SLC41A2: variants seen among roughly 807,000 people sequenced by gnomAD.
The protein encoded by SLC41A2 is SLC41A1-like 1.
Under a neutral mutation model 58.3 loss-of-function variants are expected in SLC41A2, and 32 were observed. That is an observed-to-expected ratio of 0.55 (90% CI 0.41 to 0.74). SLC41A2 has a LOEUF of 0.74. Among genes scored for constraint, SLC41A2 ranks in the 30% least tolerant of loss-of-function variants. The pLI is 0.00. For missense variants in SLC41A2, 514 were observed against 680.6 expected, an observed-to-expected ratio of 0.76 and a Z score of 2.72; for synonymous variants, 190 against 235.0, an observed-to-expected ratio of 0.81 and a Z score of 1.75.
At chr12:104,826,361 G>A (rs2041844509) in intron 10 of SLC41A2, among the ~76,000 whole-genome samples, 1 of 152,196 alleles carries the variant, frequency 6.6e-6, no homozygotes. Flanking sequence ...GATGGTCTGA[G>A]GTCCCATACG....
chr12:104,942,640 C>T (rs1448258244), intron 1 of SLC41A2, among the ~76,000 whole-genome samples: 1 of 152,048 alleles, frequency 6.6e-6, no homozygotes, highest in Non-Finnish European at 1.5e-5. Flanking sequence ...AGTATTTTTG[C>T]TTTTCTTCAA....
chr12:104,837,443 C>T (rs1200954806), intron 10 of SLC41A2, among the ~76,000 whole-genome samples: 5 of 152,094 alleles, frequency 3.3e-5, no homozygotes, highest in African/African-American at 9.7e-5. Context: ...TCTTGCTCAA[C>T]ACCTCCCTGG....
chr12:104,905,249 C>T (rs1177936124), intron 3 of SLC41A2, among the ~76,000 whole-genome samples: 1 of 151,594 alleles, frequency 6.6e-6, no homozygotes, highest in African/African-American at 2.4e-5. Context: ...ATACAGAATG[C>T]CAATTGGTGT....
chr12:104,848,080 C>T (rs938920745), intron 8 of SLC41A2, among the ~76,000 whole-genome samples: 1 of 152,076 alleles, frequency 6.6e-6, no homozygotes, highest in Non-Finnish European at 1.5e-5. Flanking sequence ...TGAAGATAGA[C>T]CATATTACAG....
chr12:104,943,726 C>G (rs760758366), intron 1 of SLC41A2, among the ~76,000 whole-genome samples: 4 of 152,164 alleles, frequency 2.6e-5, no homozygotes, highest in Non-Finnish European at 5.9e-5. Context: ...GACTGAGAGA[C>G]AGGACTAGCT....
rs35791974 is a variant in SLC41A2, at chr12:104,863,955, C to CT, written c.1175+2476dup. On this transcript the variant is annotated intron_variant, in intron 7 of 10. Coordinates refer to ENST00000258538, the MANE Select transcript of SLC41A2 (RefSeq NM_001352171.3). ...AATACAGTCAAACTCATCAATTCCA[C>CT]TTTTTTTTTTTTTTTCTTAGAGACC... 5.8e-3 allele frequency among the ~76,000 whole-genome samples: 837 copies of CT among 143,968 alleles called. 2 individuals are homozygous for CT. The highest frequency in any genetic ancestry group is 0.011 in the Middle Eastern group (3 of 280). 94.4% of individuals were successfully genotyped at this position (143,968 alleles called of 152,430 possible). A position where few individuals can be genotyped will look rare whatever the true frequency, so the allele number is the denominator to read the frequency against.
At chr12:104,951,643 A>C (rs1312686472) in intron 1 of SLC41A2, 1 of 151,998 alleles carries the variant, frequency 6.6e-6, no homozygotes, top group African/African-American at 2.4e-5. Flanking sequence ...GACATCATTA[A>C]ATTCTTATTT....
At chr12:104,831,671 T>C (rs1482925461) in intron 10 of SLC41A2, among the ~76,000 whole-genome samples, 1 of 152,210 alleles carries the variant, frequency 6.6e-6, no homozygotes, top group Non-Finnish European at 1.5e-5. Flanking sequence ...TCTCTCCAAC[T>C]GATATGTTAC....
Position 104,844,783 on chromosome 12 carries a change from A to G in SLC41A2, c.1388-163T>C, listed in dbSNP as rs368983571. Among the ~76,000 whole-genome samples the G allele has an allele frequency of 1.0e-3, 158 of 152,320 alleles. 1 individual carries two copies. Among genetic ancestry groups the G allele is most frequent in the Non-Finnish European group, 1.7e-3 (119 of 68,016 alleles). On this transcript the variant is annotated intron_variant, in intron 9 of 10. Coordinates refer to ENST00000258538, the MANE Select transcript of SLC41A2 (RefSeq NM_001352171.3). The stretch of plus-strand genomic sequence containing the variant: ...ATTTCAAGTAGTTACAATTCATTTC[A>G]TTCTCTGAAATTTCCACTATATATG...
Position 104,876,607 on chromosome 12 carries a change from G to T in SLC41A2, c.1027+9686C>A, listed in dbSNP as rs576155062. On this transcript the variant is annotated intron_variant, in intron 6 of 10. Transcript: ENST00000258538. ...TATTGATTCCTAGTTTCATACCACT[G>T]TGATCATCAAAGATACTTGATATGA... 1.2e-3 allele frequency among the ~76,000 whole-genome samples: 186 copies of T among 151,992 alleles called. 2 individuals carry two copies. The highest frequency in any genetic ancestry group is 4.1e-3 in the African/African-American group (171 of 41,454).
intron 3 of SLC41A2, among the ~76,000 whole-genome samples, chr12:104,903,291 T>C (rs554720818): frequency 1.3e-5 from 2 of 152,222 alleles, no homozygotes; most frequent in Non-Finnish European, 2.9e-5. Flanking sequence ...CAGATCACAT[T>C]AACTCCTCTG....
intron 5 of SLC41A2, 79 bp downstream of exon 5, chr12:104,888,954 T>G: frequency 1.5e-6 from 2 of 1,372,114 alleles, no homozygotes; most frequent in Non-Finnish European, 1.9e-6. Flanking sequence ...AGGTATCATT[T>G]AAATAAAAAT....
Position 104,888,883 on chromosome 12 carries a change from T to C in SLC41A2, c.880+150A>G, listed in dbSNP as rs368110659. 2.9e-5 allele frequency: 23 copies of C among 800,276 alleles called. No homozygotes were observed. The East Asian group carries it at 4.9e-4, about 17-fold the overall frequency. 49.6% of individuals were successfully genotyped at this position (800,276 alleles called of 1,614,324 possible). A position where few individuals can be genotyped will look rare whatever the true frequency, so the allele number is the denominator to read the frequency against. ...TTATAAATAATGAAATGTAAATATA[T>C]CTGGAATAACTAAGGCATTTTTTAA... is the stretch of plus-strand genomic sequence containing the variant. On this transcript the variant is annotated intron_variant, in intron 5 of 10. Coordinates refer to ENST00000258538, the MANE Select transcript of SLC41A2 (RefSeq NM_001352171.3).
At chr12:104,881,022 C>T (rs532257015) in intron 6 of SLC41A2, among the ~76,000 whole-genome samples, 1 of 152,278 alleles carries the variant, frequency 6.6e-6, no homozygotes, top group East Asian at 1.9e-4. Context: ...AGGGATTCAA[C>T]TTCTTCCTGG....
rs548217988 is a variant in SLC41A2, at chr12:104,867,853, G to C, written c.1028-1274C>G. ...TCTTTGACTGAATTTTCTTTCTTTT[G>C]CTTCTTAAGATATTTAAAGATCTTC... On this transcript the variant is annotated intron_variant, in intron 6 of 10. Transcript: ENST00000258538. 2.0e-5 allele frequency among the ~76,000 whole-genome samples: 3 copies of C among 151,082 alleles called. No homozygotes were observed. In the South Asian group the frequency reaches 6.2e-4, roughly 31 times the overall value.
chr12:104,805,203 A>G lies in SLC41A2; in HGVS notation c.1671T>C (p.Ser557=). 6.2e-7 allele frequency: 1 copy of G among 1,613,580 alleles called. No homozygotes were observed. The highest frequency in any genetic ancestry group is 8.5e-7 in the Non-Finnish European group (1 of 1,179,680). The part of the protein sequence containing the change: ...DLLGTALLAL[S]FHFLWLIGDR... Reference sequence around the variant, plus strand: ...CTCCAATAAGCCAAAGAAAATGAAAACTTAAGGCTAACAGAGCTGTCCCGA... The same window carrying G: ...CTCCAATAAGCCAAAGAAAATGAAAGCTTAAGGCTAACAGAGCTGTCCCGA... The change falls in exon 11 of 11, where the codon AGT becomes AGC. Residue 557 remains serine (S), a synonymous_variant. Coordinates refer to ENST00000258538, the MANE Select transcript of SLC41A2 (RefSeq NM_001352171.3).
At position 104,886,373 on chromosome 12, in the gene SLC41A2, G is replaced by A. The variant is rs1427267712; in HGVS notation, c.947C>T (p.Thr316Ile). 5 of 1,613,596 alleles carry A rather than the reference G, an allele frequency of 3.1e-6. No homozygotes were observed. Among genetic ancestry groups the A allele is most frequent in the Non-Finnish European group, 3.4e-6 (4 of 1,179,604 alleles). Residue 316 changes from threonine to isoleucine, a missense_variant, in exon 6 of 11, where the codon ACA becomes ATA. This residue lies in a region of SLC41A2 where 336 missense variants were observed against 430.0 expected (regional missense o/e 0.78). Coordinates refer to ENST00000258538, the MANE Select transcript of SLC41A2 (RefSeq NM_001352171.3). ...KTGINPDNVA[T>I]PIAASFGDLI... ...GTCGCCAAAACTAGCAGCAATGGGT[G>A]TAGCAACATTATCAGGATTTATACC...
chr12:104,890,237 G>C (rs1409096497), intron 4 of SLC41A2, among the ~76,000 whole-genome samples: 1 of 152,078 alleles, frequency 6.6e-6, no homozygotes, highest in African/African-American at 2.4e-5. Context: ...GGACTAAAGA[G>C]ACCATATATC....
chr12:104,942,022 G>A (rs1375392626), intron 1 of SLC41A2, among the ~76,000 whole-genome samples: 3 of 152,066 alleles, frequency 2.0e-5, no homozygotes, highest in East Asian at 3.8e-4. Context: ...ACCAGTAGAT[G>A]GATGGCAAAC....
Sources: allele counts gnomAD v4.1 joint callset (sites outside exome capture counted in the v4.1 genomes callset), GRCh38; gene constraint gnomAD v4.1.1; regional missense constraint gnomAD v4.1.1; transcripts MANE v1.5; gene names NCBI Gene and HGNC (gene_info 2026-07-23, HGNC 2026-07-21).